Variants in CYP4F12 observed in about 807,000 individuals in gnomAD.
CYP4F12 encodes cytochrome P450 4F12.
A neutral mutation model predicts 56.5 loss-of-function variants in CYP4F12; 60 were observed. The ratio of observed to expected loss-of-function variants is 1.06; its 90% CI spans 0.86 to 1.32. The LOEUF (loss-of-function observed/expected upper bound fraction) is 1.32, where lower values mean the gene tolerates loss of function less well. Among genes scored for constraint, CYP4F12 ranks in the 40% most tolerant of loss-of-function variants. The pLI is 0.00. For synonymous variants in CYP4F12, 263 were observed against 264.9 expected (o/e 0.99, Z 0.07); for missense variants, 711 against 683.5 (o/e 1.04, Z -0.45).
chr19:15,687,194 G>A (rs112527972), intron 9 of CYP4F12, among the ~76,000 whole-genome samples: 43,975 of 151,298 alleles, frequency 0.29, 7,104 homozygotes, highest in African/African-American at 0.42. Context: ...GGAGAATGGC[G>A]TGAACCCGGG....
intron 9 of CYP4F12, among the ~76,000 whole-genome samples, chr19:15,685,631 A>G (rs633929): frequency 0.025 from 3,765 of 152,030 alleles, 36 homozygotes; most frequent in African/African-American, 0.087. Flanking sequence ...TTGGTATCCA[A>G]CCTGGCTAGC....
chr19:15,693,480 T>A lies in CYP4F12; in HGVS notation c.1116-2456T>A, dbSNP rs1203304560. Among the ~76,000 whole-genome samples the A allele has an allele frequency of 2.0e-5, 3 of 152,252 alleles. No individual in the cohort carries two copies. The East Asian group carries it at 5.8e-4, about 29-fold the overall frequency. ...TGACTCTCGTGTTTTTTTGGCTGCA[T>A]AAATGTCTTCTTTTGAGAAGTGTCT... is the stretch of plus-strand genomic sequence containing the variant. On this transcript the variant is annotated intron_variant, in intron 9 of 12. Coordinates refer to ENST00000550308, the MANE Select transcript of CYP4F12 (RefSeq NM_023944.4).
chr19:15,676,338 C>T (rs1357172232), intron 2 of CYP4F12, among the ~76,000 whole-genome samples: 1 of 134,642 alleles, frequency 7.4e-6, no homozygotes, highest in East Asian at 2.3e-4. Flanking sequence ...TCTCCTCACT[C>T]ACTCATTCTA....
chr19:15,691,929 A>G (rs1041673349), intron 9 of CYP4F12, among the ~76,000 whole-genome samples: 1 of 151,990 alleles, frequency 6.6e-6, no homozygotes, highest in Non-Finnish European at 1.5e-5. Context: ...TGGCATTGCC[A>G]GACTATTTTT....
At position 15,696,502 on chromosome 19, in the gene CYP4F12, G is replaced by A. The variant is rs200143561; in HGVS notation, c.1387G>A (p.Ala463Thr). 7.2e-5 allele frequency: 117 copies of A among 1,613,950 alleles called. No homozygotes were observed. In the Admixed American group the frequency reaches 1.6e-3, roughly 22 times the overall value. ...ACCTCTGGCTTTTATTCCTTTCTCC[G>A]CAGGGCCCAGGTAAGAGCGCCCTGT... ...RSPLAFIPFS[A>T]GPRNCIGQAF... Residue 463 changes from alanine (A) to threonine (T), a missense_variant, in exon 12 of 13, where the codon GCA becomes ACA. Transcript: ENST00000550308.
Position 15,673,122 on chromosome 19 carries a change from G to A in CYP4F12, c.-15G>A. 1 of 423,976 alleles carries A rather than the reference G, an allele frequency of 2.4e-6. No homozygotes were observed. The highest frequency in any genetic ancestry group is 4.6e-6 in the Non-Finnish European group (1 of 217,270). 26.3% of individuals were successfully genotyped at this position (423,976 alleles called of 1,614,324 possible). ...GAGAAGAGGTTGTGTGGGACAAGCT[G>A]CTCCCGACAGAAGGTACCAGGCTGG... On this transcript the variant is annotated 5_prime_UTR_variant, in exon 1 of 13. Transcript: ENST00000550308.
Position 15,673,689 on chromosome 19 carries a change from C to A in CYP4F12, c.160C>A (p.Pro54Thr), listed in dbSNP as rs1208731037. ...NCRRLQCFPQPPKRNWFWGHL... is the reference protein window; with the variant it reads ...NCRRLQCFPQTPKRNWFWGHL... ...CCGCCGGCTCCAGTGTTTCCCACAGCCCCCAAAACGGAACTGGTTTTGGGG... is the reference window on the plus strand; with the variant it reads ...CCGCCGGCTCCAGTGTTTCCCACAGACCCCAAAACGGAACTGGTTTTGGGG... The change falls in exon 2 of 13, where the codon CCC becomes ACC. Residue 54 changes from proline to threonine, a missense_variant. By Grantham distance (38) the Pro-to-Thr change is conservative. Transcript: ENST00000550308. The A allele has an allele frequency of 1.2e-6, 2 of 1,614,104 alleles. No individual in the cohort carries two copies. Among genetic ancestry groups the A allele is most frequent in the Non-Finnish European group, 1.7e-6 (2 of 1,180,006 alleles).
At chr19:15,690,061 T>C (rs1045572762) in intron 9 of CYP4F12, among the ~76,000 whole-genome samples, 1 of 152,120 alleles carries the variant, frequency 6.6e-6, no homozygotes, top group African/African-American at 2.4e-5. Context: ...ATAGAAATCA[T>C]CCATGTAACC....
Position 15,696,227 on chromosome 19 carries a change from T to G in CYP4F12, c.1314+2T>G, listed in dbSNP as rs2008131407. ...CCAACTGTGTGGCCGGATCCTGAGG[T>G]GCTGCCTTCCCCATTCACCACCACC... On this transcript the variant is annotated splice_donor_variant, in intron 11 of 12. Coordinates refer to ENST00000550308, the MANE Select transcript of CYP4F12 (RefSeq NM_023944.4). LOFTEE classifies it high-confidence loss of function. 6.2e-7 allele frequency: 1 copy of G among 1,614,016 alleles called. No individual in the cohort carries two copies. Among genetic ancestry groups the G allele is most frequent in the Non-Finnish European group, 8.5e-7 (1 of 1,179,994 alleles).
At position 15,697,057 on chromosome 19, in the gene CYP4F12, TGG is replaced by T. The variant is rs2008185735; in HGVS notation, c.1548_1549del (p.Glu517AlafsTer11). ...GCCGAGGGCGGGCTTTGGCTGCGGGTGGAGCCCCTGAATGTAAGCTTGCAGTG... is the reference window on the plus strand; with the variant it reads ...GCCGAGGGCGGGCTTTGGCTGCGGGTAGCCCCTGAATGTAAGCTTGCAGTG... On this transcript the variant is annotated frameshift_variant, in exon 13 of 13. Coordinates refer to ENST00000550308, the MANE Select transcript of CYP4F12 (RefSeq NM_023944.4). LOFTEE classifies it low-confidence loss of function (END_TRUNC). 1 of 1,613,824 alleles carries T rather than the reference TGG, an allele frequency of 6.2e-7. No homozygotes were observed. Among genetic ancestry groups the T allele is most frequent in the South Asian group, 1.1e-5 (1 of 91,076 alleles).
chr19:15,676,969 G>C (rs979989172), intron 2 of CYP4F12, among the ~76,000 whole-genome samples: 63 of 10,934 alleles, frequency 5.8e-3, no homozygotes, highest in Admixed American at 9.4e-3. Flanking sequence ...ACTCATTCCT[G>C]TGCCCATTCA....
chr19:15,691,950 A>ACTTTT (rs1258222514), intron 9 of CYP4F12, among the ~76,000 whole-genome samples: 2 of 151,424 alleles, frequency 1.3e-5, no homozygotes, highest in African/African-American at 2.4e-5. Flanking sequence ...TCTTACTGTG[A>ACTTTT]CTTTTCTTTT....
chr19:15,682,896 C>G (rs1170909186), intron 6 of CYP4F12, among the ~76,000 whole-genome samples: 1 of 152,176 alleles, frequency 6.6e-6, no homozygotes, highest in Non-Finnish European at 1.5e-5. Context: ...CACCACCACG[C>G]CCAGCTAATT....
chr19:15,682,235 T>C, intron 5 of CYP4F12, 154 bp from the exon 6 acceptor site: 2 of 1,004,308 alleles, frequency 2.0e-6, no homozygotes, highest in Non-Finnish European at 2.8e-6. Context: ...TAACAGTTTC[T>C]GCTCGCATCC....
chr19:15,679,514 T>G (rs535606837), intron 3 of CYP4F12, among the ~76,000 whole-genome samples: 116 of 152,350 alleles, frequency 7.6e-4, no homozygotes, highest in Admixed American at 2.6e-3. Context: ...GGTTATATCT[T>G]TTCTGTTTAA....
rs202235964 is a variant in CYP4F12 at position 15,697,105 on chromosome 19, G to GT, written c.*27dup. 2.2e-5 allele frequency: 36 copies of GT among 1,600,462 alleles called. No homozygotes were observed. The highest frequency in any genetic ancestry group is 1.1e-4 in the East Asian group (5 of 44,516). The stretch of plus-strand genomic sequence containing the variant: ...CAGTGACTTTCTGACCCATCCACCT[G>GT]TTTTTTTGCAGATTGTCATGAATAA... On this transcript the variant is annotated 3_prime_UTR_variant, in exon 13 of 13. Transcript: ENST00000550308.
intron 2 of CYP4F12, among the ~76,000 whole-genome samples, chr19:15,676,373 T>TCATTCACTCATTCCAATACC (rs1209416492): frequency 0.011 from 1,233 of 107,274 alleles, 550 homozygotes; most frequent in East Asian, 0.018. Flanking sequence ...ATTCCTCTCC[T>TCATTCACTCATTCCAATACC]CACTCACTCA....
At position 15,697,005 on chromosome 19, in the gene CYP4F12, C is replaced by G. The variant is rs756075447; in HGVS notation, c.1495C>G (p.Arg499Gly). ...GTTCCTGCCAGACCACACTGAGCCC[C>G]GCAGGAAGCTGGAATTGATCATGCG... Reference protein sequence around the residue: ...FRFLPDHTEPRRKLELIMRAE... With the variant: ...FRFLPDHTEPGRKLELIMRAE... Residue 499 changes from arginine (R) to glycine (G), a missense_variant, in exon 13 of 13, where the codon CGC becomes GGC. By Grantham distance (125) the Arg-to-Gly change is moderately radical. Coordinates refer to ENST00000550308, the MANE Select transcript of CYP4F12 (RefSeq NM_023944.4). 4 of 1,614,220 alleles carry G rather than the reference C, an allele frequency of 2.5e-6. No individual in the cohort carries two copies. Among genetic ancestry groups the G allele is most frequent in the East Asian group, 4.5e-5 (2 of 44,876 alleles).
intron 9 of CYP4F12, 71 bp downstream of exon 9, chr19:15,685,268 A>G: frequency 6.4e-7 from 1 of 1,565,216 alleles, no homozygotes; most frequent in Admixed American, 1.8e-5. Flanking sequence ...GGAGGGGTGG[A>G]GGAGTTGTTT....
Sources: allele counts gnomAD v4.1 joint callset (sites outside exome capture counted in the v4.1 genomes callset), GRCh38; gene constraint gnomAD v4.1.1; transcripts MANE v1.5; gene names NCBI Gene and HGNC (gene_info 2026-07-23, HGNC 2026-07-21).